Variants in EPAS1 observed in about 807,000 individuals in gnomAD.
The protein encoded by EPAS1 is endothelial PAS domain-containing protein 1.
A neutral mutation model predicts 87.9 loss-of-function variants in EPAS1; 23 were observed. The ratio of observed to expected loss-of-function variants is 0.26; its 90% CI spans 0.19 to 0.37. The LOEUF is 0.37. EPAS1 is among the 10% of genes least tolerant of loss of function. The probability of loss-of-function intolerance (pLI) is 1.00; values close to 1 mark genes in which losing one functional copy is unlikely to be tolerated. For missense variants in EPAS1, 1,138 were observed against 1,120.7 expected (o/e 1.02, Z -0.22); for synonymous variants, 508 against 444.3 (o/e 1.14, Z -1.80).
At chr2:46,299,936 C>T (rs1241207760) in intron 1 of EPAS1, among the ~76,000 whole-genome samples, 1 of 152,248 alleles carries the variant, frequency 6.6e-6, no homozygotes, top group African/African-American at 2.4e-5. Flanking sequence ...TGCGAAACGC[C>T]TTGGAGGCCG....
Position 46,300,122 on chromosome 2 carries a change from T to C in EPAS1, c.26+2185T>C, listed in dbSNP as rs545439417. Among the ~76,000 whole-genome samples the C allele has an allele frequency of 1.3e-5, 2 of 152,366 alleles. No homozygotes were observed. The highest frequency in any genetic ancestry group is 4.1e-4 in the South Asian group (2 of 4,828). ...TAATCAGTTTGAGACTCATTTACTTTTCGTGCCTGGGTCTGTTTGCTGGCT... is the reference window on the plus strand; with the variant it reads ...TAATCAGTTTGAGACTCATTTACTTCTCGTGCCTGGGTCTGTTTGCTGGCT... On this transcript the variant is annotated intron_variant, in intron 1 of 15. Transcript: ENST00000263734. The surrounding 1 kb of genome is among the most constrained non-coding windows in gnomAD (Gnocchi z 4.1).
chr2:46,301,260 G>C (rs755757800), intron 1 of EPAS1, among the ~76,000 whole-genome samples: 1 of 152,020 alleles, frequency 6.6e-6, no homozygotes, highest in Non-Finnish European at 1.5e-5. Flanking sequence ...AGACTTCTCC[G>C]GTCACAAGGA....
At chr2:46,350,301 C>G (rs140978235) in intron 2 of EPAS1, among the ~76,000 whole-genome samples, 30 of 152,288 alleles carry the variant, frequency 2.0e-4, no homozygotes, top group African/African-American at 7.0e-4. Flanking sequence ...TTTTGGCTCA[C>G]TTTATAATAG....
At chr2:46,325,906 T>A (rs541608872) in intron 1 of EPAS1, among the ~76,000 whole-genome samples, 7 of 152,270 alleles carry the variant, frequency 4.6e-5, no homozygotes, top group East Asian at 3.9e-4. Context: ...CTTCACCCCA[T>A]TTAAATCCTG....
chr2:46,377,861 G>A (rs1684790993), intron 9 of EPAS1, 33 bp from the exon 10 acceptor site: 1 of 1,551,710 alleles, frequency 6.4e-7, no homozygotes, highest in Non-Finnish European at 8.7e-7. Context: ...CGATGGTTGT[G>A]GGTGTTCACC....
chr2:46,381,115 G>A (rs562737963), intron 12 of EPAS1: 7 of 348,262 alleles, frequency 2.0e-5, no homozygotes, highest in South Asian at 5.4e-5. Flanking sequence ...CCGGGTCCTC[G>A]CCACTGCAGC....
chr2:46,355,588 A>G (rs1684253362), intron 2 of EPAS1, among the ~76,000 whole-genome samples: 2 of 152,270 alleles, frequency 1.3e-5, no homozygotes, highest in African/African-American at 4.8e-5. Flanking sequence ...TAATTGCAGT[A>G]TATATTAGCA....
chr2:46,375,726 G>A lies in EPAS1; in HGVS notation c.923G>A (p.Arg308Gln), dbSNP rs2103662295. 1 of 1,614,136 alleles carries A rather than the reference G, an allele frequency of 6.2e-7. No homozygotes were observed. The highest frequency in any genetic ancestry group is 8.5e-7 in the Non-Finnish European group (1 of 1,180,018). The change falls in exon 8 of 16, where the codon CGG becomes CAG. Residue 308 changes from arginine to glutamine, a missense_variant. Physicochemically the swap from Arg to Gln is conservative, Grantham distance 43. Around this residue, in one of 4 missense-constraint regions of EPAS1, gnomAD observed 351 missense variants for 417.1 expected, o/e 0.84. Transcript: ENST00000263734. The surrounding 1 kb of genome is among the most constrained non-coding windows in gnomAD (Gnocchi z 4.1). ...TKGQVVSGQY[R>Q]MLAKHGGYVW... ...GGTCAGGTAGTAAGTGGCCAGTACC[G>A]GATGCTCGCAAAGCATGGGGGCTAC...
In EPAS1 at chr2:46,346,444, GTTT is replaced by G. The variant is rs1460779608; in HGVS notation, c.27-424_27-422del. On this transcript the variant is annotated intron_variant, in intron 1 of 15. Transcript: ENST00000263734. This position sits in a 1 kb window ranked among gnomAD's most constrained non-coding sequence, Gnocchi z 4.0. ...TATGCAGAAAAAGAACCTTAAAGCA[GTTT>G]TTTTATCTTGTTCTCCAGAGCCCTT... 6.6e-6 allele frequency among the ~76,000 whole-genome samples: 1 copy of G among 152,126 alleles called. No individual in the cohort carries two copies. Among genetic ancestry groups the G allele is most frequent in the Non-Finnish European group, 1.5e-5 (1 of 68,020 alleles).
In EPAS1 at chr2:46,375,979, C is replaced by G. The variant is rs1684737549; in HGVS notation, c.1034+142C>G. The G allele has an allele frequency of 2.7e-6, 3 of 1,130,216 alleles. No homozygotes were observed. Among genetic ancestry groups the G allele is most frequent in the Admixed American group, 1.8e-5 (1 of 55,332 alleles). The allele number at this position is 1,130,216 out of a possible 1,614,324, so 70.0% of individuals were successfully genotyped here. A position where few individuals can be genotyped will look rare whatever the true frequency, so the allele number is the denominator to read the frequency against. On this transcript the variant is annotated intron_variant, in intron 8 of 15. Transcript: ENST00000263734. This position sits in a 1 kb window ranked among gnomAD's most constrained non-coding sequence, Gnocchi z 4.1. ...CTCAGGGAGGTCTTGCAGGGCTAACCCTAGTGACTGAGAGGACTTCCTGTG... is the reference window on the plus strand; with the variant it reads ...CTCAGGGAGGTCTTGCAGGGCTAACGCTAGTGACTGAGAGGACTTCCTGTG...
intron 1 of EPAS1, among the ~76,000 whole-genome samples, chr2:46,311,291 T>C (rs565075737): frequency 2.0e-5 from 3 of 152,240 alleles, no homozygotes; most frequent in East Asian, 1.9e-4. Context: ...CGCTCCACAG[T>C]CATTCTCTGC....
intron 1 of EPAS1, among the ~76,000 whole-genome samples, chr2:46,324,509 G>C (rs1683515077): frequency 6.6e-6 from 1 of 152,218 alleles, no homozygotes; most frequent in Non-Finnish European, 1.5e-5. Context: ...TGGAGGTAGG[G>C]AACAGTAACC....
chr2:46,344,806 GTTC>G (rs1683990148), intron 1 of EPAS1, among the ~76,000 whole-genome samples: 1 of 152,186 alleles, frequency 6.6e-6, no homozygotes, highest in Non-Finnish European at 1.5e-5. Context: ...TTTTCTGAAG[GTTC>G]TTCTTGACCA....
rs1440696051 is a variant in EPAS1 at position 46,297,489 on chromosome 2, G to C, written c.-423G>C. ...CTCCTGAGGCGGCCGTACAATCCTC[G>C]GCAGTGTCCTGAGACTGTATGGTCA... On this transcript the variant is annotated 5_prime_UTR_variant, in exon 1 of 16. Coordinates refer to ENST00000263734, the MANE Select transcript of EPAS1 (RefSeq NM_001430.5). 1 of 206,156 alleles carries C rather than the reference G, an allele frequency of 4.9e-6. No homozygotes were observed. Among genetic ancestry groups the C allele is most frequent in the Non-Finnish European group, 9.8e-6 (1 of 101,882 alleles). 12.8% of individuals were successfully genotyped at this position (206,156 alleles called of 1,614,324 possible). A position where few individuals can be genotyped will look rare whatever the true frequency, so the allele number is the denominator to read the frequency against.
At chr2:46,368,265 G>A (rs143751797) in intron 6 of EPAS1, among the ~76,000 whole-genome samples, 2 of 152,322 alleles carry the variant, frequency 1.3e-5, no homozygotes, top group Non-Finnish European at 2.9e-5. Context: ...TGAGGCTTTA[G>A]CTGGTCCTGG....
intron 1 of EPAS1, among the ~76,000 whole-genome samples, chr2:46,301,734 C>T (rs540919206): frequency 2.6e-5 from 4 of 151,636 alleles, no homozygotes; most frequent in South Asian, 2.1e-4. Context: ...ACTCTCAAAC[C>T]GCTGAACCTT....
At chr2:46,319,650 T>G (rs538358131) in intron 1 of EPAS1, among the ~76,000 whole-genome samples, 1 of 152,206 alleles carries the variant, frequency 6.6e-6, no homozygotes, top group Admixed American at 6.5e-5. Flanking sequence ...AAGTGTGGCA[T>G]AGATTTACAG....
At chr2:46,310,292 C>G (rs973200559) in intron 1 of EPAS1, among the ~76,000 whole-genome samples, 1 of 152,214 alleles carries the variant, frequency 6.6e-6, no homozygotes, top group Non-Finnish European at 1.5e-5. Flanking sequence ...TGATAAGGCT[C>G]TCATTCTGTC....
chr2:46,378,991 C>T (rs1572648157), intron 11 of EPAS1, among the ~76,000 whole-genome samples: 1 of 152,216 alleles, frequency 6.6e-6, no homozygotes, highest in Non-Finnish European at 1.5e-5. Context: ...GTGTCTCCTA[C>T]TTAGATAGCT....
Sources: allele counts gnomAD v4.1 joint callset (sites outside exome capture counted in the v4.1 genomes callset), GRCh38; gene constraint gnomAD v4.1.1; regional missense constraint gnomAD v4.1.1; non-coding constraint Gnocchi (gnomAD v3.1); transcripts MANE v1.5; gene names NCBI Gene and HGNC (gene_info 2026-07-23, HGNC 2026-07-21).